FSTL5: variants seen among roughly 807,000 people sequenced by gnomAD.
The protein encoded by FSTL5 is follistatin-related protein 5.
FSTL5 carries 62 observed loss-of-function variants against 89.1 expected under a neutral mutation model. That is an observed-to-expected ratio of 0.70 (90% confidence interval 0.57 to 0.86). The LOEUF (loss-of-function observed/expected upper bound fraction) is 0.86. FSTL5 is among the 40% of genes least tolerant of loss of function. The pLI, the probability that FSTL5 is intolerant of heterozygous loss-of-function variation, is 0.00. For synonymous variants in FSTL5, 383 were observed against 346.2 expected, an observed-to-expected ratio of 1.11 and a Z score of -1.18; for missense variants, 1,057 against 1,001.6, an observed-to-expected ratio of 1.06 and a Z score of -0.75.
chr4:161,893,286 C>T (rs1733045849), intron 4 of FSTL5, among the ~76,000 whole-genome samples: 1 of 152,014 alleles, frequency 6.6e-6, no homozygotes, highest in African/African-American at 2.4e-5. Flanking sequence ...GGCTAAATAA[C>T]AAAGAAATGA....
intron 1 of FSTL5, among the ~76,000 whole-genome samples, chr4:162,157,249 TTAAA>T (rs1162764830): frequency 6.6e-6 from 1 of 152,146 alleles, no homozygotes. Flanking sequence ...AATGTAATTT[TTAAA>T]TATTTATAAA....
chr4:161,386,500 C>A, intron 15 of FSTL5, 51 bp from the exon 16 acceptor site: 1 of 1,345,058 alleles, frequency 7.4e-7, no homozygotes, highest in Non-Finnish European at 1.0e-6. Context: ...AGTTTTTAGC[C>A]GTAAGAAAAA....
At chr4:162,110,128 T>C (rs1157077857) in intron 2 of FSTL5, among the ~76,000 whole-genome samples, 3 of 152,060 alleles carry the variant, frequency 2.0e-5, no homozygotes, top group Non-Finnish European at 4.4e-5. Context: ...CATTAAAGTA[T>C]ATTTTTACAT....
chr4:161,542,688 G>C lies in FSTL5; in HGVS notation c.1021C>G (p.Pro341Ala), dbSNP rs1422921397. The C allele has an allele frequency of 6.9e-7, 1 of 1,452,142 alleles. No individual in the cohort carries two copies. Among genetic ancestry groups the C allele is most frequent in the South Asian group, 1.6e-5 (1 of 61,340 alleles). 90.0% of individuals were successfully genotyped at this position (1,452,142 alleles called of 1,614,324 possible). Residue 341 changes from proline to alanine, a missense_variant, in exon 9 of 16, where the codon CCA becomes GCA. Physicochemically the swap from Pro to Ala is conservative, Grantham distance 27 (BLOSUM62 -1). Coordinates refer to ENST00000306100, the MANE Select transcript of FSTL5 (RefSeq NM_020116.5). ...CTCTCTGGATACACCCGGATGACTG[G>C]AGGAACTAAAGGAAAAAATGAAAGA... ...QTHIFQVNVPPVIRVYPESQA... is the reference protein window; with the variant it reads ...QTHIFQVNVPAVIRVYPESQA...
At chr4:161,514,127 T>C (rs977327726) in intron 10 of FSTL5, among the ~76,000 whole-genome samples, 13 of 152,006 alleles carry the variant, frequency 8.6e-5, no homozygotes, top group Admixed American at 3.9e-4. Context: ...AGTAAACTAA[T>C]AAACTAAGAA....
At chr4:161,663,104 A>G (rs1428594685) in intron 6 of FSTL5, among the ~76,000 whole-genome samples, 1 of 152,064 alleles carries the variant, frequency 6.6e-6, no homozygotes, top group African/African-American at 2.4e-5. Flanking sequence ...CCCTCCTACA[A>G]CACATGAGAA....
chr4:161,963,212 A>C (rs961600109), intron 3 of FSTL5, among the ~76,000 whole-genome samples: 1 of 152,066 alleles, frequency 6.6e-6, no homozygotes, highest in East Asian at 1.9e-4. Flanking sequence ...TCTATGAAAT[A>C]ATTTCTTTGT....
chr4:161,855,965 A>ACTT, intron 4 of FSTL5, among the ~76,000 whole-genome samples: 3 of 152,236 alleles, frequency 2.0e-5, no homozygotes, highest in East Asian at 3.9e-4. Context: ...TAAAACCAAG[A>ACTT]TATTTAAAAC....
At chr4:162,131,088 G>A (rs1248205075) in intron 1 of FSTL5, among the ~76,000 whole-genome samples, 1 of 152,044 alleles carries the variant, frequency 6.6e-6, no homozygotes, top group Non-Finnish European at 1.5e-5. Context: ...CAAATGTGGT[G>A]GTCCAATGGG....
chr4:162,130,951 G>T (rs6832596), intron 1 of FSTL5, among the ~76,000 whole-genome samples: 40,630 of 151,848 alleles, frequency 0.27, 6,152 homozygotes, highest in African/African-American at 0.42. Context: ...GATATGTGAA[G>T]AATATTAAAT....
chr4:162,009,927 G>C (rs1736712911), intron 3 of FSTL5, among the ~76,000 whole-genome samples: 1 of 150,850 alleles, frequency 6.6e-6, no homozygotes, highest in Non-Finnish European at 1.5e-5. Context: ...CATGCAATTT[G>C]AACTAAAGTC....
intron 4 of FSTL5, among the ~76,000 whole-genome samples, chr4:161,844,926 T>C (rs1731320115): frequency 1.3e-5 from 2 of 151,772 alleles, no homozygotes; most frequent in South Asian, 4.2e-4. Context: ...GAACTTACAG[T>C]ATAATAATAA....
At chr4:161,514,936 G>T (rs1730765490) in intron 10 of FSTL5, among the ~76,000 whole-genome samples, 1 of 151,856 alleles carries the variant, frequency 6.6e-6, no homozygotes, top group African/African-American at 2.4e-5. Context: ...TATATTGATG[G>T]TTTACTAGAA....
intron 4 of FSTL5, among the ~76,000 whole-genome samples, chr4:161,784,623 A>G (rs1741816370): frequency 6.6e-6 from 1 of 151,964 alleles, no homozygotes; most frequent in Non-Finnish European, 1.5e-5. Flanking sequence ...GGCTGGGTGC[A>G]GTGGCTCACG....
At chr4:161,565,998 C>T (rs534363783) in intron 8 of FSTL5, among the ~76,000 whole-genome samples, 30 of 150,212 alleles carry the variant, frequency 2.0e-4, no homozygotes, top group Middle Eastern at 6.9e-3. Flanking sequence ...CCACAGTTTT[C>T]CATAGAGGTT....
In FSTL5 at chr4:161,582,144, A is replaced by T. The variant is rs188542661; in HGVS notation, c.1015+5311T>A. Among the ~76,000 whole-genome samples the T allele has an allele frequency of 4.3e-4, 66 of 152,312 alleles. 1 individual carries two copies. Among genetic ancestry groups the T allele is most frequent in the Admixed American group, 4.3e-3 (66 of 15,296 alleles). On this transcript the variant is annotated intron_variant, in intron 8 of 15. Coordinates refer to ENST00000306100, the MANE Select transcript of FSTL5 (RefSeq NM_020116.5). The stretch of plus-strand genomic sequence containing the variant: ...CTCTAGGATATTTAAACAGACTTTG[A>T]ACTTCAAAAAGACTCTTTTACAAAT...
chr4:161,391,786 AG>A (rs1471896078), intron 15 of FSTL5, among the ~76,000 whole-genome samples: 1 of 152,228 alleles, frequency 6.6e-6, no homozygotes, highest in Non-Finnish European at 1.5e-5. Context: ...TACAAGAGCA[AG>A]GACAGTTTCT....
intron 7 of FSTL5, among the ~76,000 whole-genome samples, chr4:161,619,383 T>G (rs1427293997): frequency 6.6e-6 from 1 of 152,110 alleles, no homozygotes; most frequent in African/African-American, 2.4e-5. Flanking sequence ...CAAAAGAAAC[T>G]ACCATCAGAG....
chr4:161,842,369 T>A (rs185958525), intron 4 of FSTL5, among the ~76,000 whole-genome samples: 1 of 152,352 alleles, frequency 6.6e-6, no homozygotes, highest in Admixed American at 6.5e-5. Context: ...TCTTTCAGAT[T>A]ATTTTTCAAG....
Sources: allele counts gnomAD v4.1 joint callset (sites outside exome capture counted in the v4.1 genomes callset), GRCh38; gene constraint gnomAD v4.1.1; transcripts MANE v1.5; gene names NCBI Gene and HGNC (gene_info 2026-07-23, HGNC 2026-07-21).